EEA1: variants seen among roughly 807,000 people sequenced by gnomAD.
EEA1 encodes the protein early endosome antigen 1.
In EEA1, 111 loss-of-function variants were observed where a neutral mutation model predicts 209.2. The observed-to-expected ratio is 0.53, with a 90% CI of 0.45 to 0.62. The LOEUF (loss-of-function observed/expected upper bound fraction) is 0.62. Ranked by LOEUF, EEA1 falls within the 20% of genes least tolerant of loss-of-function variation. The pLI is 0.00. For missense variants in EEA1, 1,343 were observed against 1,530.8 expected, an observed-to-expected ratio of 0.88 and a Z score of 2.05; for synonymous variants, 536 against 540.6, an observed-to-expected ratio of 0.99 and a Z score of 0.12.
intron 18 of EEA1, among the ~76,000 whole-genome samples, chr12:92,806,231 C>T (rs751171753): frequency 1.3e-5 from 2 of 151,940 alleles, no homozygotes; most frequent in South Asian, 2.1e-4. Flanking sequence ...AAGCTTTTTA[C>T]AATAGTCTGA....
chr12:92,880,440 G>A (rs1358521991), intron 2 of EEA1, among the ~76,000 whole-genome samples: 1 of 152,104 alleles, frequency 6.6e-6, no homozygotes, highest in African/African-American at 2.4e-5. Context: ...AAGTAGCTGG[G>A]ATTACACGCA....
At chr12:92,860,531 C>G (rs180766389) in intron 3 of EEA1, among the ~76,000 whole-genome samples, 5 of 152,214 alleles carry the variant, frequency 3.3e-5, no homozygotes, top group Admixed American at 2.0e-4. Context: ...CAAATGGCAG[C>G]TTTAAAAAAA....
At chr12:92,909,739 G>A (rs541892981) in intron 1 of EEA1, among the ~76,000 whole-genome samples, 4 of 152,294 alleles carry the variant, frequency 2.6e-5, no homozygotes, top group South Asian at 2.1e-4. Flanking sequence ...GCTTGTGGCC[G>A]AGCATGGTGG....
At chr12:92,914,006 G>A (rs995963048) in intron 1 of EEA1, among the ~76,000 whole-genome samples, 8 of 152,102 alleles carry the variant, frequency 5.3e-5, no homozygotes, top group African/African-American at 9.7e-5. Flanking sequence ...GTTATCTTTC[G>A]TATATGGTGA....
chr12:92,833,732 C>G (rs763672471), intron 10 of EEA1, among the ~76,000 whole-genome samples: 3 of 152,062 alleles, frequency 2.0e-5, no homozygotes, highest in Non-Finnish European at 4.4e-5. Context: ...TAGGAAAGAA[C>G]AATCAAAGCC....
At chr12:92,894,842 C>G (rs1385949192) in intron 1 of EEA1, among the ~76,000 whole-genome samples, 1 of 152,122 alleles carries the variant, frequency 6.6e-6, no homozygotes, top group Admixed American at 6.5e-5. Flanking sequence ...AACAGATTTT[C>G]AATTCAGAAA....
chr12:92,773,153 A>T lies in EEA1; in HGVS notation c.*2858T>A, dbSNP rs901742551. 3 of 152,086 alleles carry T rather than the reference A, an allele frequency of 2.0e-5. No homozygotes were observed. Among genetic ancestry groups the T allele is most frequent in the African/African-American group, 7.2e-5 (3 of 41,404 alleles). The allele number at this position is 152,086 out of a possible 1,614,324, so 9.4% of individuals were successfully genotyped here. A position where few individuals can be genotyped will look rare whatever the true frequency, so the allele number is the denominator to read the frequency against. On this transcript the variant is annotated 3_prime_UTR_variant, in exon 29 of 29. Coordinates refer to ENST00000322349, the MANE Select transcript of EEA1 (RefSeq NM_003566.4). ...TTTTATAGCCAAAGTGCATTTTTTT[A>T]AAAAAACTCCTATAGTCAAACAGGT...
At chr12:92,850,242 A>G (rs563768421) in intron 9 of EEA1, among the ~76,000 whole-genome samples, 9 of 152,338 alleles carry the variant, frequency 5.9e-5, no homozygotes, top group Admixed American at 1.3e-4. Context: ...ATGTCAGCTC[A>G]ATAAAATAGA....
At chr12:92,825,008 A>G (rs1188257841) in intron 13 of EEA1, among the ~76,000 whole-genome samples, 1 of 152,252 alleles carries the variant, frequency 6.6e-6, no homozygotes, top group Non-Finnish European at 1.5e-5. Flanking sequence ...AGAGAAGGGC[A>G]TATTATTTAT....
chr12:92,849,653 C>T (rs773431046), intron 9 of EEA1, among the ~76,000 whole-genome samples: 7 of 152,072 alleles, frequency 4.6e-5, no homozygotes, highest in Non-Finnish European at 7.4e-5. Context: ...GCCTTACATG[C>T]CTATGTGTGT....
At chr12:92,885,584 CAAGCTCAGAACTT>C (rs1482176136) in intron 2 of EEA1, among the ~76,000 whole-genome samples, 1 of 152,208 alleles carries the variant, frequency 6.6e-6, no homozygotes, top group Admixed American at 6.5e-5. Context: ...TGAAGAATTT[CAAGCTCAGAACTT>C]AATTTACGGC....
At chr12:92,778,418 C>T (rs1254178095) in intron 25 of EEA1, among the ~76,000 whole-genome samples, 1 of 151,924 alleles carries the variant, frequency 6.6e-6, no homozygotes. Flanking sequence ...GCTAAAGTGA[C>T]ACAATGTGAG....
At chr12:92,831,641 AATAT>A (rs1373715478) in intron 11 of EEA1, among the ~76,000 whole-genome samples, 2 of 147,450 alleles carry the variant, frequency 1.4e-5, no homozygotes, top group Non-Finnish European at 3.0e-5. Flanking sequence ...TAAATATATA[AATAT>A]ATAATATATA....
Position 92,779,146 on chromosome 12 carries a change from T to C in EEA1, c.3623A>G (p.Lys1208Arg), listed in dbSNP as rs766810157. ...DQVKKEEEEL[K>R]KEFIEKEAKL... is the part of the protein sequence containing the mutation. The stretch of plus-strand genomic sequence containing the variant: ...AGCTTCTTTCTCAATAAATTCTTTC[T>C]TCAGCTCCTCTTCTTCCTTTTTCAC... The change falls in exon 25 of 29, where the codon AAG becomes AGG. Residue 1208 changes from lysine (K) to arginine (R), a missense_variant. By Grantham distance (26) the Lys-to-Arg change is conservative (BLOSUM62 2). Coordinates refer to ENST00000322349, the MANE Select transcript of EEA1 (RefSeq NM_003566.4). 6 of 1,604,562 alleles carry C rather than the reference T, an allele frequency of 3.7e-6. No individual in the cohort carries two copies. The highest frequency in any genetic ancestry group is 1.7e-4 in the Middle Eastern group (1 of 6,022).
intron 1 of EEA1, among the ~76,000 whole-genome samples, chr12:92,926,885 C>T (rs1326131408): frequency 6.6e-6 from 1 of 152,120 alleles, no homozygotes; most frequent in East Asian, 1.9e-4. Context: ...CTGTCCTCTT[C>T]ATTATTCTAT....
chr12:92,913,653 TTTTG>T (rs1338107060), intron 1 of EEA1, among the ~76,000 whole-genome samples: 2 of 152,156 alleles, frequency 1.3e-5, no homozygotes, highest in African/African-American at 2.4e-5. Context: ...CTTCCAGGTT[TTTTG>T]TTTGTTTGTT....
At position 92,844,455 on chromosome 12, in the gene EEA1, T is replaced by A. The variant is rs551156351; in HGVS notation, c.799-1874A>T. 1.2e-4 allele frequency among the ~76,000 whole-genome samples: 18 copies of A among 152,248 alleles called. 1 individual carries two copies. In the South Asian group the frequency reaches 2.9e-3, roughly 25 times the overall value. On this transcript the variant is annotated intron_variant, in intron 9 of 28. Coordinates refer to ENST00000322349, the MANE Select transcript of EEA1 (RefSeq NM_003566.4). ...AGTATCATATGTAACAGCTGATATG[T>A]TAATATATACATAATCTTATACAAT...
At chr12:92,893,351 T>C (rs1032049959) in intron 1 of EEA1, among the ~76,000 whole-genome samples, 13 of 152,172 alleles carry the variant, frequency 8.5e-5, no homozygotes, top group African/African-American at 2.7e-4. Flanking sequence ...CAAGGTCAGA[T>C]GGGTAATAAA....
chr12:92,883,868 G>T, intron 2 of EEA1: 3 of 1,600,152 alleles, frequency 1.9e-6, no homozygotes, highest in Non-Finnish European at 2.6e-6. Context: ...AGCCTGAGGA[G>T]CCATTTTGAG....
Sources: gnomAD v4.1 joint callset for allele counts (sites outside exome capture counted in the v4.1 genomes callset) on GRCh38, gnomAD v4.1.1 for gene constraint, MANE v1.5 for transcripts, NCBI Gene and HGNC (gene_info 2026-07-23, HGNC 2026-07-21) for gene names.